PTPRD: variants seen among roughly 807,000 people sequenced by gnomAD.
PTPRD encodes the protein receptor-type tyrosine-protein phosphatase delta.
In PTPRD, 34 loss-of-function variants were observed where a neutral mutation model predicts 214.5. The observed-to-expected ratio is 0.16, with a 90% CI of 0.12 to 0.21. The LOEUF (loss-of-function observed/expected upper bound fraction) is 0.21, where lower values mean the gene tolerates loss of function less well. Among genes scored for constraint, PTPRD ranks in the 10% least tolerant of loss-of-function variants. The probability of loss-of-function intolerance (pLI) is 1.00; values close to 1 mark genes in which losing one functional copy is unlikely to be tolerated. For missense variants in PTPRD, 2,545 were observed against 2,398.7 expected (o/e 1.06, Z -1.27); for synonymous variants, 1,128 against 845.7 (o/e 1.33, Z -5.79).
intron 11 of PTPRD, among the ~76,000 whole-genome samples, chr9:8,763,444 G>A (rs143249682): frequency 8.9e-4 from 136 of 152,062 alleles, no homozygotes; most frequent in African/African-American, 3.0e-3. Context: ...TATCCAGGAG[G>A]AGGAGGTTGC....
chr9:8,932,408 C>A (rs920121633), intron 11 of PTPRD, among the ~76,000 whole-genome samples: 1 of 152,136 alleles, frequency 6.6e-6, no homozygotes, highest in Non-Finnish European at 1.5e-5. Context: ...GCCTTCATTT[C>A]ATTATTTACC....
intron 8 of PTPRD, among the ~76,000 whole-genome samples, chr9:9,447,917 G>A (rs1415779516): frequency 1.3e-5 from 2 of 152,182 alleles, no homozygotes; most frequent in Middle Eastern, 3.4e-3. Context: ...ACTGAGTGAT[G>A]AAAGATCAAG....
intron 8 of PTPRD, among the ~76,000 whole-genome samples, chr9:9,554,819 G>T (rs116389695): frequency 6.6e-6 from 1 of 151,998 alleles, no homozygotes; most frequent in African/African-American, 2.4e-5. Context: ...TAATGTCAAG[G>T]TATAATCATA....
chr9:9,422,914 C>A (rs975422223), intron 8 of PTPRD, among the ~76,000 whole-genome samples: 23 of 152,178 alleles, frequency 1.5e-4, no homozygotes, highest in Non-Finnish European at 5.9e-5. Flanking sequence ...TTGTTACAGA[C>A]ACAAAAATTA....
rs1171661888 is a variant in PTPRD at position 8,314,483 on chromosome 9, G to A, written c.*3391C>T. 4.3e-6 allele frequency: 1 copy of A among 231,338 alleles called. No individual in the cohort carries two copies. Among genetic ancestry groups the A allele is most frequent in the Non-Finnish European group, 8.6e-6 (1 of 116,680 alleles). The allele number at this position is 231,338 out of a possible 1,614,324, so 14.3% of individuals were successfully genotyped here. On this transcript the variant is annotated 3_prime_UTR_variant, in exon 46 of 46. Coordinates refer to ENST00000381196, the MANE Select transcript of PTPRD (RefSeq NM_002839.4). ...ATTTTTCAGTCTATGCATCCAAAAC[G>A]AGAGCAAAGAACACAACTGTTATTA...
chr9:8,745,361 T>A (rs2092675279), intron 11 of PTPRD, among the ~76,000 whole-genome samples: 2 of 152,104 alleles, frequency 1.3e-5, no homozygotes, highest in African/African-American at 4.8e-5. Context: ...AATTCCAAAG[T>A]GATCAACATA....
chr9:9,989,813 C>T (rs573328484), intron 4 of PTPRD, among the ~76,000 whole-genome samples: 42 of 152,322 alleles, frequency 2.8e-4, no homozygotes, highest in Non-Finnish European at 4.9e-4. Flanking sequence ...TGGGCCCCTA[C>T]GGGGTTCGTT....
At chr9:10,520,432 G>A (rs2051785779) in intron 2 of PTPRD, among the ~76,000 whole-genome samples, 1 of 152,302 alleles carries the variant, frequency 6.6e-6, no homozygotes, top group Non-Finnish European at 1.5e-5. Flanking sequence ...GAGGTTTAAG[G>A]AAAGAAGCCA....
intron 3 of PTPRD, among the ~76,000 whole-genome samples, chr9:10,311,589 T>C (rs2096267964): frequency 6.6e-6 from 1 of 152,080 alleles, no homozygotes; most frequent in Non-Finnish European, 1.5e-5. Flanking sequence ...CTATTTATTG[T>C]GTACCTACTA....
chr9:9,988,907 C>T (rs1282259529), intron 4 of PTPRD, among the ~76,000 whole-genome samples: 1 of 144,218 alleles, frequency 6.9e-6, no homozygotes, highest in Non-Finnish European at 1.5e-5. Flanking sequence ...GAGAAATAAA[C>T]AGAAAACCAA....
chr9:8,596,141 G>A (rs948860980), intron 14 of PTPRD, among the ~76,000 whole-genome samples: 4 of 151,820 alleles, frequency 2.6e-5, no homozygotes, highest in African/African-American at 4.8e-5. Context: ...GGTAATGTGA[G>A]GTTCACCAAT....
At chr9:9,237,596 G>T (rs2099967643) in intron 9 of PTPRD, among the ~76,000 whole-genome samples, 1 of 152,066 alleles carries the variant, frequency 6.6e-6, no homozygotes, top group Admixed American at 6.6e-5. Context: ...AGGAATATTT[G>T]CTGTTTTGTT....
At chr9:9,051,193 C>T (rs2099684700) in intron 10 of PTPRD, among the ~76,000 whole-genome samples, 1 of 151,580 alleles carries the variant, frequency 6.6e-6, no homozygotes, top group Non-Finnish European at 1.5e-5. Flanking sequence ...ATCATGTACA[C>T]CACAAATATT....
chr9:9,908,727 A>T (rs1309669655), intron 5 of PTPRD, among the ~76,000 whole-genome samples: 3 of 152,028 alleles, frequency 2.0e-5, no homozygotes, highest in Non-Finnish European at 4.4e-5. Context: ...GTTGCTTAAT[A>T]TATCAAGTAT....
intron 3 of PTPRD, among the ~76,000 whole-genome samples, chr9:10,317,437 G>A (rs889249558): frequency 6.6e-6 from 1 of 151,876 alleles, no homozygotes; most frequent in African/African-American, 2.4e-5. Flanking sequence ...AAATTTGGCA[G>A]TTTTGAATAC....
At chr9:10,144,496 A>G (rs775687084) in intron 3 of PTPRD, among the ~76,000 whole-genome samples, 13 of 152,072 alleles carry the variant, frequency 8.5e-5, no homozygotes, top group Non-Finnish European at 1.8e-4. Context: ...ATAAAAGGCA[A>G]CCCACATTGT....
chr9:8,996,959 A>C (rs548500688), intron 11 of PTPRD, among the ~76,000 whole-genome samples: 1 of 152,184 alleles, frequency 6.6e-6, no homozygotes, highest in East Asian at 1.9e-4. Flanking sequence ...TTACATGCTA[A>C]AAAGAATATA....
intron 9 of PTPRD, among the ~76,000 whole-genome samples, chr9:9,193,387 G>A (rs528106866): frequency 1.3e-5 from 2 of 152,176 alleles, no homozygotes; most frequent in East Asian, 1.9e-4. Flanking sequence ...CTCCTGTTTT[G>A]TAAACTTGGA....
rs191674153 is a variant in PTPRD, at chr9:9,892,616, T to C, written c.-368+45891A>G. 5.1e-4 allele frequency among the ~76,000 whole-genome samples: 78 copies of C among 152,118 alleles called. 2 individuals are homozygous for C. In the South Asian group the frequency reaches 6.9e-3, roughly 13 times the overall value. ...CATTGGAACATTTTGGGCCAAACTG[T>C]TGGGAAATGATCTCACTATGTATTT... On this transcript the variant is annotated intron_variant, in intron 5 of 45. Transcript: ENST00000381196.
Sources: allele counts gnomAD v4.1 joint callset (sites outside exome capture counted in the v4.1 genomes callset), GRCh38; gene constraint gnomAD v4.1.1; transcripts MANE v1.5; gene names NCBI Gene and HGNC (gene_info 2026-07-23, HGNC 2026-07-21).